Variants in GAB2 observed in about 807,000 individuals in gnomAD.
GAB2 encodes the protein GRB2-associated-binding protein 2.
A neutral mutation model predicts 65.5 loss-of-function variants in GAB2; 26 were observed. That is an observed-to-expected ratio of 0.40 (90% CI 0.29 to 0.55). GAB2 has a LOEUF of 0.55. Among genes scored for constraint, GAB2 ranks in the 20% least tolerant of loss-of-function variants. The pLI, the probability that GAB2 is intolerant of heterozygous loss-of-function variation, is 0.53. For missense variants in GAB2, 884 were observed against 875.8 expected, an observed-to-expected ratio of 1.01 and a Z score of -0.12; for synonymous variants, 321 against 329.6, an observed-to-expected ratio of 0.97 and a Z score of 0.28.
chr11:78,298,198 T>A (rs201657340), intron 1 of GAB2, among the ~76,000 whole-genome samples: 2 of 152,256 alleles, frequency 1.3e-5, no homozygotes, highest in East Asian at 1.9e-4. Context: ...AAAAGGTATA[T>A]ACATTGAAGA....
intron 3 of GAB2, among the ~76,000 whole-genome samples, chr11:78,233,069 T>A (rs1252309633): frequency 1.5e-5 from 2 of 137,804 alleles, no homozygotes; most frequent in African/African-American, 5.7e-5. Context: ...TGACAAGGTC[T>A]GGCTCTATTG....
At chr11:78,277,464 T>G (rs758604402) in intron 2 of GAB2, among the ~76,000 whole-genome samples, 1 of 152,098 alleles carries the variant, frequency 6.6e-6, no homozygotes. Context: ...GGAAAGACGG[T>G]CTCCCAATCG....
chr11:78,348,902 TC>T (rs1856231468), intron 1 of GAB2, among the ~76,000 whole-genome samples: 2 of 152,176 alleles, frequency 1.3e-5, no homozygotes, highest in African/African-American at 4.8e-5. Context: ...CATGGACACA[TC>T]CAGAAATCAC....
At chr11:78,237,320 T>C (rs1218479131) in intron 3 of GAB2, among the ~76,000 whole-genome samples, 1 of 152,196 alleles carries the variant, frequency 6.6e-6, no homozygotes, top group East Asian at 1.9e-4. Flanking sequence ...GAAAAGTGAA[T>C]TGTGATATAA....
At position 78,226,478 on chromosome 11, in the gene GAB2, G is replaced by A. The variant is rs763403537; in HGVS notation, c.1194C>T (p.Ser398=). Residue 398 remains serine, a synonymous_variant, in exon 4 of 10, where the codon AGC becomes AGT. Coordinates refer to ENST00000361507, the MANE Select transcript of GAB2 (RefSeq NM_080491.3). ...ACTTATACTGACCTCGGTGAAGTCGGCTGTTGTCCATTGCAGGGAGGGTGT... is the reference window on the plus strand; with the variant it reads ...ACTTATACTGACCTCGGTGAAGTCGACTGTTGTCCATTGCAGGGAGGGTGT... ...RRNTLPAMDN[S]RLHRASSCET... 5 of 1,612,926 alleles carry A rather than the reference G, an allele frequency of 3.1e-6. No homozygotes were observed. Among genetic ancestry groups the A allele is most frequent in the African/African-American group, 2.7e-5 (2 of 74,908 alleles).
At chr11:78,324,280 T>C (rs77941920) in intron 1 of GAB2, among the ~76,000 whole-genome samples, 7,075 of 152,252 alleles carry the variant, frequency 0.046, 512 homozygotes, top group African/African-American at 0.16. Context: ...TTCGGTATCA[T>C]CCTTAAGTTT....
chr11:78,364,767 C>A (rs1856476694), intron 1 of GAB2, among the ~76,000 whole-genome samples: 1 of 152,120 alleles, frequency 6.6e-6, no homozygotes, highest in Admixed American at 6.6e-5. Context: ...ATCAAACTTT[C>A]CTGAGAAATT....
At chr11:78,301,438 T>C (rs897569827) in intron 1 of GAB2, among the ~76,000 whole-genome samples, 1 of 151,122 alleles carries the variant, frequency 6.6e-6, no homozygotes, top group Non-Finnish European at 1.5e-5. Flanking sequence ...CAAGCGATTC[T>C]CCCACTTCAG....
rs1857221845 is a variant in GAB2, at chr11:78,417,818, G to A, written c.-98C>T. On this transcript the variant is annotated 5_prime_UTR_variant, in exon 1 of 10. Coordinates refer to ENST00000361507, the MANE Select transcript of GAB2 (RefSeq NM_080491.3). The stretch of plus-strand genomic sequence containing the variant: ...GCGGTGCGCAGCTCGCGGGAGGCCA[G>A]GGGCGGGGCGGGCGGCCCGGCGGGG... 2 of 525,794 alleles carry A rather than the reference G, an allele frequency of 3.8e-6. No individual in the cohort carries two copies. Among genetic ancestry groups the A allele is most frequent in the African/African-American group, 2.1e-5 (1 of 48,152 alleles). 32.6% of individuals were successfully genotyped at this position (525,794 alleles called of 1,614,324 possible). A position where few individuals can be genotyped will look rare whatever the true frequency, so the allele number is the denominator to read the frequency against.
At chr11:78,357,423 C>G (rs375237491) in intron 1 of GAB2, among the ~76,000 whole-genome samples, 53 of 152,014 alleles carry the variant, frequency 3.5e-4, no homozygotes, top group Non-Finnish European at 8.8e-5. Flanking sequence ...TGGGATCTAA[C>G]TAAACTAAAG....
At chr11:78,221,958 CCAAGCCA>C (rs1319134036) in intron 7 of GAB2, 140 bp downstream of exon 7, 3 of 699,008 alleles carry the variant, frequency 4.3e-6, no homozygotes, top group Non-Finnish European at 7.7e-6. Flanking sequence ...GCTGAGGAAA[CCAAGCCA>C]CAAGACATCG....
chr11:78,405,390 C>T (rs1462712596), intron 1 of GAB2, among the ~76,000 whole-genome samples: 2 of 152,262 alleles, frequency 1.3e-5, no homozygotes, highest in East Asian at 1.9e-4. Flanking sequence ...TGAGCCACCA[C>T]GCCTGGCCAA....
At chr11:78,389,086 C>T (rs1026958344) in intron 1 of GAB2, among the ~76,000 whole-genome samples, 2 of 152,186 alleles carry the variant, frequency 1.3e-5, no homozygotes, top group African/African-American at 4.8e-5. Flanking sequence ...CTAGTCTTTG[C>T]TCCCAGGGTC....
At chr11:78,287,305 G>A (rs147189165) in intron 1 of GAB2, among the ~76,000 whole-genome samples, 1 of 152,180 alleles carries the variant, frequency 6.6e-6, no homozygotes, top group Non-Finnish European at 1.5e-5. Context: ...CTGAGGCAGG[G>A]TCTCACTCTG....
intron 1 of GAB2, among the ~76,000 whole-genome samples, chr11:78,310,245 G>A (rs1203779162): frequency 4.0e-5 from 6 of 151,752 alleles, no homozygotes; most frequent in Non-Finnish European, 7.4e-5. Flanking sequence ...GCTCACGCCT[G>A]TAATCCCAGC....
intron 1 of GAB2, among the ~76,000 whole-genome samples, chr11:78,326,561 A>C (rs752392428): frequency 3.3e-5 from 5 of 152,152 alleles, no homozygotes; most frequent in Non-Finnish European, 7.4e-5. Context: ...GGAATAAGAA[A>C]TTGTTACTTC....
chr11:78,265,746 T>G (rs150111987), intron 2 of GAB2, among the ~76,000 whole-genome samples: 7 of 152,318 alleles, frequency 4.6e-5, no homozygotes, highest in African/African-American at 1.7e-4. Flanking sequence ...TATGTTTCAA[T>G]ATACAGAATT....
chr11:78,224,063 C>G (rs976888285), intron 5 of GAB2, among the ~76,000 whole-genome samples: 1 of 151,972 alleles, frequency 6.6e-6, no homozygotes, highest in African/African-American at 2.4e-5. Flanking sequence ...GCCTGGGTGA[C>G]AGAGTGAGAC....
chr11:78,223,780 G>A, intron 5 of GAB2, 104 bp from the exon 6 acceptor site: 1 of 978,014 alleles, frequency 1.0e-6, no homozygotes, highest in Non-Finnish European at 1.5e-6. Flanking sequence ...GACTGGGTTA[G>A]CTATACTTTG....
Sources: allele counts gnomAD v4.1 joint callset (sites outside exome capture counted in the v4.1 genomes callset), GRCh38; gene constraint gnomAD v4.1.1; transcripts MANE v1.5; gene names NCBI Gene and HGNC (gene_info 2026-07-23, HGNC 2026-07-21).